The following HYDIN variants were observed in gnomAD, a reference collection of about 807,000 sequenced individuals.
HYDIN encodes the protein HYDIN axonemal central pair apparatus protein.
A neutral mutation model predicts 403.9 loss-of-function variants in HYDIN; 132 were observed. The ratio of observed to expected loss-of-function variants is 0.33; its 90% confidence interval spans 0.28 to 0.38. The LOEUF (loss-of-function observed/expected upper bound fraction) is 0.38. Ranked by LOEUF, HYDIN falls within the 10% of genes least tolerant of loss-of-function variation. The probability of loss-of-function intolerance (pLI) is 1.00; values close to 1 mark genes in which losing one functional copy is unlikely to be tolerated. For missense variants in HYDIN, 2,827 were observed against 5,009.5 expected (o/e 0.56, Z 13.15); for synonymous variants, 1,202 against 1,891.7 (o/e 0.64, Z 9.46).
At chr16:70,857,897 G>T (rs1313824128) in intron 71 of HYDIN, 27 bp from the exon 72 acceptor site, 21 of 1,608,350 alleles carry the variant, frequency 1.3e-5, no homozygotes, top group Non-Finnish European at 1.8e-5. Flanking sequence ...GAACAGAGTG[G>T]TAAAAGACAC....
intron 12 of HYDIN, among the ~76,000 whole-genome samples, chr16:71,083,977 TA>T (rs2082860708): frequency 7.3e-6 from 1 of 137,450 alleles, no homozygotes; most frequent in South Asian, 2.7e-4. Context: ...TTTAAGATTA[TA>T]GCCATCCAAG....
chr16:70,855,738 A>AT (rs1340747343), intron 72 of HYDIN, among the ~76,000 whole-genome samples: 1 of 152,258 alleles, frequency 6.6e-6, no homozygotes, highest in Non-Finnish European at 1.5e-5. Context: ...TCTCACTATC[A>AT]TCTTACGCTT....
intron 44 of HYDIN, among the ~76,000 whole-genome samples, chr16:70,937,851 C>G (rs1045249474): frequency 1.3e-5 from 2 of 150,720 alleles, no homozygotes; most frequent in Non-Finnish European, 3.0e-5. Context: ...AGAACCACTG[C>G]CCCCCACCCC....
chr16:70,855,040 T>C, intron 73 of HYDIN, 88 bp downstream of exon 73: 2 of 730,430 alleles, frequency 2.7e-6, no homozygotes, highest in East Asian at 2.6e-5. Flanking sequence ...AGCAATTATA[T>C]AAATGGGGCA....
At position 71,227,046 on chromosome 16, in the gene HYDIN, C is replaced by G. The variant is rs528721227; in HGVS notation, c.-24+3516G>C. Among the ~76,000 whole-genome samples, 8 of 151,812 alleles carry G rather than the reference C, an allele frequency of 5.3e-5. No individual in the cohort carries two copies. In the South Asian group the frequency reaches 1.7e-3, roughly 32 times the overall value. ...GATCAAACCCCTGGCATTTCAGTAA[C>G]AAAATGTTTTAAAAAGGAAAGATGT... On this transcript the variant is annotated intron_variant, in intron 1 of 85. Coordinates refer to ENST00000393567, the MANE Select transcript of HYDIN (RefSeq NM_001270974.2).
chr16:71,219,763 C>CA (rs1386538817), intron 1 of HYDIN, among the ~76,000 whole-genome samples: 45 of 152,276 alleles, frequency 3.0e-4, no homozygotes, highest in African/African-American at 1.1e-3. Flanking sequence ...GAAACCCTTC[C>CA]AGCAATAATC....
intron 23 of HYDIN, among the ~76,000 whole-genome samples, chr16:71,005,261 T>C (rs1481240965): frequency 6.6e-6 from 1 of 152,136 alleles, no homozygotes; most frequent in Non-Finnish European, 1.5e-5. Context: ...AGAAATATTC[T>C]CTATCTGTGC....
At chr16:71,202,866 A>G (rs1433993306) in intron 1 of HYDIN, among the ~76,000 whole-genome samples, 2 of 152,128 alleles carry the variant, frequency 1.3e-5, no homozygotes, top group African/African-American at 4.8e-5. Context: ...TCCTTCTGGT[A>G]AGAACCCACT....
rs756394428 is a variant in HYDIN at position 70,809,813 on chromosome 16, G to A, written c.14853C>T (p.Tyr4951=). The A allele has an allele frequency of 1.2e-6, 2 of 1,614,180 alleles. No individual in the cohort carries two copies. The highest frequency in any genetic ancestry group is 1.7e-6 in the Non-Finnish European group (2 of 1,180,018). The change falls in exon 85 of 86, where the codon TAC becomes TAT. Residue 4951 remains tyrosine (Y), a synonymous_variant. Transcript: ENST00000393567. ...SQIILVKFIN[Y]TRQRTEYYCR... is the part of the protein sequence containing the mutation. ...AGTAGTATTCTGTCCTCTGCCGTGT[G>A]TAATTGATGAACTTCACAAGGATGA...
chr16:70,944,042 A>G (rs1479428310), intron 41 of HYDIN, 93 bp from the exon 42 acceptor site: 1 of 911,246 alleles, frequency 1.1e-6, no homozygotes, highest in Non-Finnish European at 1.7e-6. Context: ...GGAAGATCAC[A>G]TAATCTGTCA....
At chr16:71,071,049 C>G (rs547043686) in intron 13 of HYDIN, among the ~76,000 whole-genome samples, 13 of 151,346 alleles carry the variant, frequency 8.6e-5, no homozygotes, top group Admixed American at 8.6e-4. Context: ...CTACATGTGA[C>G]TTTCCTGGAC....
chr16:70,921,092 G>C lies in HYDIN; in HGVS notation c.7284C>G (p.Ser2428Arg). The C allele has an allele frequency of 6.3e-7, 1 of 1,593,158 alleles. No homozygotes were observed. Among genetic ancestry groups the C allele is most frequent in the Non-Finnish European group, 8.6e-7 (1 of 1,162,742 alleles). Residue 2428 changes from serine to arginine, a missense_variant, in exon 46 of 86, where the codon AGC becomes AGG. Transcript: ENST00000393567. ...CCTGGACAAGAGGAAGCCCATGCAT[G>C]CTGACATCGCCCATGTTCCTTTTCT... ...NKKKRNMGDV[S>R]MHGLPLVQDQ... is the part of the protein sequence containing the mutation.
intron 41 of HYDIN, among the ~76,000 whole-genome samples, chr16:70,949,768 G>A (rs1352345224): frequency 6.6e-6 from 1 of 152,226 alleles, no homozygotes; most frequent in African/African-American, 2.4e-5. Flanking sequence ...CACATATGGG[G>A]TCTATGAGCT....
chr16:71,220,332 T>C (rs2089135542), intron 1 of HYDIN, among the ~76,000 whole-genome samples: 1 of 152,212 alleles, frequency 6.6e-6, no homozygotes. Flanking sequence ...TACTTTGTGA[T>C]TGCATAAATC....
At chr16:71,039,766 C>T (rs1447662227) in intron 18 of HYDIN, among the ~76,000 whole-genome samples, 1 of 152,228 alleles carries the variant, frequency 6.6e-6, no homozygotes, top group Non-Finnish European at 1.5e-5. Flanking sequence ...CCCACATTTA[C>T]CATCCTTAAA....
intron 18 of HYDIN, among the ~76,000 whole-genome samples, chr16:71,051,659 A>T (rs1319609565): frequency 9.3e-6 from 1 of 107,246 alleles, no homozygotes; most frequent in Admixed American, 8.9e-5. Flanking sequence ...AAAAAAAAAA[A>T]CAAAAAAAAC....
chr16:71,169,628 A>G (rs930293262), intron 5 of HYDIN, among the ~76,000 whole-genome samples: 12 of 152,236 alleles, frequency 7.9e-5, no homozygotes, highest in African/African-American at 2.9e-4. Context: ...TCAAATGCAT[A>G]GAAGCAGAGA....
At chr16:70,938,552 G>A (rs1053621663) in intron 44 of HYDIN, 62 bp downstream of exon 44, 2 of 1,093,388 alleles carry the variant, frequency 1.8e-6, no homozygotes, top group South Asian at 1.3e-5. Context: ...CCCGGTCCTG[G>A]TCACTCTGTG....
At chr16:70,976,720 A>G (rs1201392354) in intron 30 of HYDIN, among the ~76,000 whole-genome samples, 2 of 152,178 alleles carry the variant, frequency 1.3e-5, no homozygotes, top group Non-Finnish European at 2.9e-5. Context: ...ATTCAAGGAG[A>G]TTCCATTTTG....
Sources: gnomAD v4.1 joint callset for allele counts (sites outside exome capture counted in the v4.1 genomes callset) on GRCh38, gnomAD v4.1.1 for gene constraint, MANE v1.5 for transcripts, NCBI Gene and HGNC (gene_info 2026-07-23, HGNC 2026-07-21) for gene names.